Variants in USP32 observed in about 807,000 individuals in gnomAD.
USP32 encodes ubiquitin carboxyl-terminal hydrolase 32.
Under a neutral mutation model 204.8 loss-of-function variants are expected in USP32, and 59 were observed. That is an observed-to-expected ratio of 0.29 (90% CI 0.23 to 0.36). USP32 has a LOEUF of 0.36. Ranked by LOEUF, USP32 falls within the 10% of genes least tolerant of loss-of-function variation. The pLI, the probability that USP32 is intolerant of heterozygous loss-of-function variation, is 1.00. For missense variants in USP32, 1,160 were observed against 1,946.4 expected (o/e 0.60, Z 7.60); for synonymous variants, 517 against 678.4 (o/e 0.76, Z 3.70).
At chr17:60,216,688 C>T (rs900041955) in intron 16 of USP32, among the ~76,000 whole-genome samples, 6 of 151,978 alleles carry the variant, frequency 3.9e-5, no homozygotes, top group African/African-American at 1.4e-4. Context: ...GGTTTGAATA[C>T]TTGTCACTTC....
At chr17:60,240,672 G>T (rs2085854303) in intron 11 of USP32, among the ~76,000 whole-genome samples, 1 of 152,108 alleles carries the variant, frequency 6.6e-6, no homozygotes, top group Non-Finnish European at 1.5e-5. Context: ...GTCTTATAAG[G>T]TCTTTTCTGA....
chr17:60,295,887 G>GGGT (rs1428772239), intron 3 of USP32, among the ~76,000 whole-genome samples: 1 of 152,126 alleles, frequency 6.6e-6, no homozygotes, highest in Non-Finnish European at 1.5e-5. Flanking sequence ...TCCACTGGGA[G>GGGT]GGTCTTGGAA....
chr17:60,331,770 C>T (rs371875479), intron 2 of USP32, among the ~76,000 whole-genome samples: 1 of 146,744 alleles, frequency 6.8e-6, no homozygotes, highest in Non-Finnish European at 1.5e-5. Flanking sequence ...TAGTGGCATG[C>T]ACTTGTAGTC....
At chr17:60,228,168 G>T (rs546584776) in intron 12 of USP32, among the ~76,000 whole-genome samples, 1 of 152,050 alleles carries the variant, frequency 6.6e-6, no homozygotes, top group Non-Finnish European at 1.5e-5. Context: ...GGAACTACAG[G>T]CACCTGCCAC....
intron 2 of USP32, among the ~76,000 whole-genome samples, chr17:60,344,336 G>A (rs1362857463): frequency 1.3e-5 from 2 of 151,954 alleles, no homozygotes; most frequent in Non-Finnish European, 2.9e-5. Context: ...TACCATGTTG[G>A]CCAGGCTGGT....
chr17:60,236,372 C>T, intron 11 of USP32, 132 bp from the exon 12 acceptor site: 2 of 613,104 alleles, frequency 3.3e-6, no homozygotes, highest in Non-Finnish European at 2.8e-6. Context: ...ACTGCCAAAA[C>T]CCAATTAGTA....
chr17:60,347,369 T>TA (rs2088811370), intron 1 of USP32, among the ~76,000 whole-genome samples: 1 of 141,076 alleles, frequency 7.1e-6, no homozygotes, highest in South Asian at 2.2e-4. Flanking sequence ...TTTTTTTTTT[T>TA]ATGAGACGGC....
chr17:60,390,084 A>G (rs1278542710), intron 1 of USP32, among the ~76,000 whole-genome samples: 1 of 152,232 alleles, frequency 6.6e-6, no homozygotes, highest in Non-Finnish European at 1.5e-5. Context: ...CTATCTCTTC[A>G]AATACATGTG....
At chr17:60,383,020 G>A (rs1006050103) in intron 1 of USP32, among the ~76,000 whole-genome samples, 22 of 152,088 alleles carry the variant, frequency 1.4e-4, no homozygotes, top group African/African-American at 5.3e-4. Context: ...GGCCGAGGCA[G>A]GTGGATCACG....
At chr17:60,291,847 C>G (rs1283965265) in intron 4 of USP32, among the ~76,000 whole-genome samples, 1 of 152,026 alleles carries the variant, frequency 6.6e-6, no homozygotes, top group Non-Finnish European at 1.5e-5. Context: ...ATTAAAAACA[C>G]CACCAACTCA....
chr17:60,217,899 G>A (rs896522003), intron 16 of USP32, among the ~76,000 whole-genome samples: 23 of 151,478 alleles, frequency 1.5e-4, no homozygotes, highest in Middle Eastern at 3.4e-3. Context: ...ACTTTGCCCA[G>A]CTAATTTAAA....
At chr17:60,274,275 G>GA (rs2086792919) in intron 5 of USP32, among the ~76,000 whole-genome samples, 1 of 152,004 alleles carries the variant, frequency 6.6e-6, no homozygotes, top group Non-Finnish European at 1.5e-5. Context: ...GCATAAAGAG[G>GA]AAAAAGGCTA....
intron 9 of USP32, among the ~76,000 whole-genome samples, chr17:60,263,996 T>A (rs2086521517): frequency 6.6e-6 from 1 of 152,184 alleles, no homozygotes; most frequent in Non-Finnish European, 1.5e-5. Context: ...TTTATGCAAA[T>A]GTGTCTCATA....
intron 25 of USP32, among the ~76,000 whole-genome samples, chr17:60,206,369 C>T (rs2084825041): frequency 6.7e-6 from 1 of 149,346 alleles, no homozygotes. Flanking sequence ...TTCTCACTCA[C>T]ACTAACCACA....
rs1004872020 is a variant in USP32 at position 60,178,101 on chromosome 17, A to T, written c.*1154T>A. Among the ~76,000 whole-genome samples, 2 of 152,212 alleles carry T rather than the reference A, an allele frequency of 1.3e-5. No homozygotes were observed. The highest frequency in any genetic ancestry group is 6.5e-5 in the Admixed American group (1 of 15,274). ...TTAAAAAAAAGACAAATATCAAAATAAAAAAATTAGTGGACATGCAAACAA... is the reference window on the plus strand; with the variant it reads ...TTAAAAAAAAGACAAATATCAAAATTAAAAAATTAGTGGACATGCAAACAA... On this transcript the variant is annotated 3_prime_UTR_variant, in exon 34 of 34. Coordinates refer to ENST00000300896, the MANE Select transcript of USP32 (RefSeq NM_032582.4).
intron 1 of USP32, among the ~76,000 whole-genome samples, chr17:60,349,596 A>AAATATATATATATATATATAT (rs1555618242): frequency 1.5e-5 from 1 of 65,200 alleles, no homozygotes; most frequent in Non-Finnish European, 2.5e-5. Flanking sequence ...AAAAAAAAAA[A>AAATATATATATATATATATAT]ATATATATAT....
At chr17:60,264,511 T>C (rs572972313) in intron 9 of USP32, among the ~76,000 whole-genome samples, 1 of 148,746 alleles carries the variant, frequency 6.7e-6, no homozygotes, top group African/African-American at 2.5e-5. Flanking sequence ...CAAGATCCTG[T>C]CTCCAAAAAA....
intron 1 of USP32, among the ~76,000 whole-genome samples, chr17:60,406,089 C>A (rs1443658845): frequency 7.5e-6 from 1 of 134,122 alleles, no homozygotes; most frequent in Non-Finnish European, 1.5e-5. Context: ...TCCAGGAGGT[C>A]AAGGCTGCAG....
intron 1 of USP32, among the ~76,000 whole-genome samples, chr17:60,409,120 C>T (rs2089999756): frequency 6.6e-6 from 1 of 152,090 alleles, no homozygotes; most frequent in Non-Finnish European, 1.5e-5. Flanking sequence ...GGCCGAGGTG[C>T]ACGGATCACC....
Sources: allele counts gnomAD v4.1 joint callset (sites outside exome capture counted in the v4.1 genomes callset), GRCh38; gene constraint gnomAD v4.1.1; transcripts MANE v1.5; gene names NCBI Gene and HGNC (gene_info 2026-07-23, HGNC 2026-07-21).